ADAP2: variants seen among roughly 807,000 people sequenced by gnomAD.
The protein encoded by ADAP2 is arf-GAP with dual PH domain-containing protein 2.
In ADAP2, 42 loss-of-function variants were observed where a neutral mutation model predicts 54.9. That is an observed-to-expected ratio of 0.77 (90% confidence interval 0.60 to 0.99). ADAP2 has a LOEUF of 0.99. ADAP2 is among the 50% of genes least tolerant of loss of function. ADAP2 has a pLI of 0.00. For synonymous variants in ADAP2, 177 were observed against 180.1 expected, an observed-to-expected ratio of 0.98 and a Z score of 0.14; for missense variants, 429 against 480.4, an observed-to-expected ratio of 0.89 and a Z score of 1.00.
At chr17:30,946,582 G>A (rs941650334) in intron 6 of ADAP2, among the ~76,000 whole-genome samples, 1 of 152,126 alleles carries the variant, frequency 6.6e-6, no homozygotes. Context: ...CAATATAACA[G>A]AATAAGCTGG....
intron 3 of ADAP2, among the ~76,000 whole-genome samples, chr17:30,928,017 A>G (rs553828375): frequency 1.3e-5 from 2 of 150,510 alleles, no homozygotes; most frequent in South Asian, 4.2e-4. Flanking sequence ...AGTGAGACCT[A>G]GCATTAGAAA....
intron 5 of ADAP2, among the ~76,000 whole-genome samples, chr17:30,940,551 C>T (rs1431079109): frequency 2.6e-5 from 4 of 152,082 alleles, no homozygotes; most frequent in Non-Finnish European, 4.4e-5. Context: ...GTGATTCGCC[C>T]GCCTTGGTCT....
At chr17:30,937,245 G>A (rs1911957111) in intron 5 of ADAP2, among the ~76,000 whole-genome samples, 1 of 150,490 alleles carries the variant, frequency 6.6e-6, no homozygotes, top group South Asian at 2.1e-4. Context: ...TTTTTGAGAT[G>A]GGATTTCACT....
At chr17:30,926,796 A>G in intron 2 of ADAP2, 31 bp from the exon 3 acceptor site, 2 of 1,599,760 alleles carry the variant, frequency 1.3e-6, no homozygotes, top group South Asian at 2.2e-5. Context: ...TTCAAGTTCT[A>G]ATATTACCTC....
Position 30,923,286 on chromosome 17 carries a change from A to T in ADAP2, c.225+216A>T, listed in dbSNP as rs564752782. Among the ~76,000 whole-genome samples the T allele has an allele frequency of 6.5e-3, 922 of 141,846 alleles. 11 individuals carry two copies. The highest frequency in any genetic ancestry group is 0.024 in the African/African-American group (878 of 36,926). The allele number at this position is 141,846 out of a possible 152,430, so 93.1% of individuals were successfully genotyped here. Reference sequence around the variant, plus strand: ...TTACTTTTTTTTTTTTTTTTTTGAGACGGAGTCTCGCTGTGTTGTCCAGGC... The same window carrying T: ...TTACTTTTTTTTTTTTTTTTTTGAGTCGGAGTCTCGCTGTGTTGTCCAGGC... On this transcript the variant is annotated intron_variant, in intron 2 of 10. Coordinates refer to ENST00000330889, the MANE Select transcript of ADAP2 (RefSeq NM_018404.3).
chr17:30,956,489 G>C lies in ADAP2; in HGVS notation c.1111+20G>C. The C allele has an allele frequency of 6.2e-7, 1 of 1,611,670 alleles. No homozygotes were observed. Among genetic ancestry groups the C allele is most frequent in the Non-Finnish European group, 8.5e-7 (1 of 1,178,306 alleles). On this transcript the variant is annotated intron_variant, in intron 10 of 10. Coordinates refer to ENST00000330889, the MANE Select transcript of ADAP2 (RefSeq NM_018404.3). ...GGCTTAGTAAGAAGCAGGAACTGAGGGGTGTTCTTTTGGACAAGGGCAGAG... is the reference window on the plus strand; with the variant it reads ...GGCTTAGTAAGAAGCAGGAACTGAGCGGTGTTCTTTTGGACAAGGGCAGAG...
chr17:30,942,159 C>T (rs1239802455), intron 5 of ADAP2, among the ~76,000 whole-genome samples: 2 of 152,180 alleles, frequency 1.3e-5, no homozygotes, highest in Non-Finnish European at 2.9e-5. Flanking sequence ...CTGCCTCGGC[C>T]TCCCAAAGTG....
Position 30,958,453 on chromosome 17 carries a change from A to T in ADAP2, c.*584A>T, listed in dbSNP as rs554533344. ...CTGAATGAAATCTCAGATGGCTGAA[A>T]TGTTAGAGAAACAGAGCACCAAGTC... On this transcript the variant is annotated 3_prime_UTR_variant, in exon 11 of 11. Coordinates refer to ENST00000330889, the MANE Select transcript of ADAP2 (RefSeq NM_018404.3). 1 of 152,672 alleles carries T rather than the reference A, an allele frequency of 6.5e-6. No individual in the cohort carries two copies. Among genetic ancestry groups the T allele is most frequent in the South Asian group, 2.0e-4 (1 of 4,972 alleles). The allele number at this position is 152,672 out of a possible 1,614,324, so 9.5% of individuals were successfully genotyped here. A position where few individuals can be genotyped will look rare whatever the true frequency, so the allele number is the denominator to read the frequency against.
intron 4 of ADAP2, among the ~76,000 whole-genome samples, chr17:30,932,347 C>T (rs563853186): frequency 7.5e-4 from 114 of 151,958 alleles, no homozygotes; most frequent in African/African-American, 2.7e-3. Flanking sequence ...ATCCTCCCAC[C>T]TCAGCCTCCC....
intron 8 of ADAP2, 127 bp from the exon 9 acceptor site, chr17:30,954,351 C>A: frequency 1.3e-6 from 1 of 758,592 alleles, no homozygotes; most frequent in South Asian, 1.5e-5. Flanking sequence ...GGATGTCTGA[C>A]TGAGGAGGCT....
intron 3 of ADAP2, among the ~76,000 whole-genome samples, chr17:30,928,227 G>A (rs1486590258): frequency 6.7e-6 from 1 of 150,180 alleles, no homozygotes; most frequent in Non-Finnish European, 1.5e-5. Context: ...CGGATGTGGC[G>A]GCTCACACCT....
At chr17:30,940,237 A>G (rs1239537275) in intron 5 of ADAP2, among the ~76,000 whole-genome samples, 1 of 151,980 alleles carries the variant, frequency 6.6e-6, no homozygotes, top group African/African-American at 2.4e-5. Context: ...TGCTAGGATA[A>G]CAGACATAAG....
Position 30,959,018 on chromosome 17 carries a change from A to G in ADAP2, c.*1149A>G, listed in dbSNP as rs1016673142. On this transcript the variant is annotated 3_prime_UTR_variant, in exon 11 of 11. Coordinates refer to ENST00000330889, the MANE Select transcript of ADAP2 (RefSeq NM_018404.3). ...CCAGATAGGGAGGTGAGTCCTCTCT[A>G]TCTCCTCTGGCTCTGGAAGCACCTT... The G allele has an allele frequency of 6.6e-5, 10 of 152,070 alleles. No homozygotes were observed. Among genetic ancestry groups the G allele is most frequent in the African/African-American group, 2.2e-4 (9 of 41,398 alleles). The allele number at this position is 152,070 out of a possible 1,614,324, so 9.4% of individuals were successfully genotyped here. A position where few individuals can be genotyped will look rare whatever the true frequency, so the allele number is the denominator to read the frequency against.
chr17:30,925,597 CT>C (rs565627419), intron 2 of ADAP2, among the ~76,000 whole-genome samples: 132 of 133,822 alleles, frequency 9.9e-4, no homozygotes, highest in Non-Finnish European at 8.4e-4. Context: ...TTCTTTCTTT[CT>C]TTTTTTTTTT....
intron 5 of ADAP2, among the ~76,000 whole-genome samples, chr17:30,938,543 A>G (rs921419396): frequency 1.3e-4 from 20 of 152,154 alleles, no homozygotes; most frequent in African/African-American, 4.8e-4. Context: ...ATCTTTGGAG[A>G]CCATCTACCC....
At chr17:30,949,979 T>C (rs749669244) in intron 7 of ADAP2, among the ~76,000 whole-genome samples, 2 of 152,050 alleles carry the variant, frequency 1.3e-5, no homozygotes, top group Non-Finnish European at 2.9e-5. Flanking sequence ...TCTGAACCCT[T>C]CTCCCTCTAA....
At chr17:30,926,762 C>G in intron 2 of ADAP2, 65 bp from the exon 3 acceptor site, 1 of 1,413,568 alleles carries the variant, frequency 7.1e-7, no homozygotes, top group Non-Finnish European at 1.0e-6. Flanking sequence ...AAGTCAGTGG[C>G]CTCATAGTTT....
chr17:30,923,949 C>T (rs1210694362), intron 2 of ADAP2, among the ~76,000 whole-genome samples: 12 of 151,954 alleles, frequency 7.9e-5, no homozygotes. Flanking sequence ...GGTAATCCAC[C>T]CTCCTCGGCC....
At chr17:30,926,041 AT>A (rs1417140003) in intron 2 of ADAP2, among the ~76,000 whole-genome samples, 1 of 151,962 alleles carries the variant, frequency 6.6e-6, no homozygotes, top group Admixed American at 6.6e-5. Flanking sequence ...CATTTTCTTC[AT>A]TTTTACGGGT....
Sources: allele counts gnomAD v4.1 joint callset (sites outside exome capture counted in the v4.1 genomes callset), GRCh38; gene constraint gnomAD v4.1.1; transcripts MANE v1.5; gene names NCBI Gene and HGNC (gene_info 2026-07-23, HGNC 2026-07-21).